Variants in IFT80 observed in about 807,000 individuals in gnomAD.
IFT80 encodes the protein intraflagellar transport 80.
A neutral mutation model predicts 107.9 loss-of-function variants in IFT80; 79 were observed. That is an observed-to-expected ratio of 0.73 (90% CI 0.61 to 0.88). The LOEUF (loss-of-function observed/expected upper bound fraction) is 0.88. Among genes scored for constraint, IFT80 ranks in the 40% least tolerant of loss-of-function variants. The pLI, the probability that IFT80 is intolerant of heterozygous loss-of-function variation, is 0.00. For synonymous variants in IFT80, 299 were observed against 300.9 expected (o/e 0.99, Z 0.07); for missense variants, 797 against 914.2 (o/e 0.87, Z 1.65).
chr3:160,387,085 A>C (rs1559974623), intron 1 of IFT80, among the ~76,000 whole-genome samples: 1 of 152,234 alleles, frequency 6.6e-6, no homozygotes, highest in Non-Finnish European at 1.5e-5. Context: ...CAATACCCCA[A>C]AAGAGAAATG....
At chr3:160,298,721 T>A (rs1716183441) in intron 12 of IFT80, among the ~76,000 whole-genome samples, 1 of 152,276 alleles carries the variant, frequency 6.6e-6, no homozygotes, top group African/African-American at 2.4e-5. Flanking sequence ...TGGAGGGTAC[T>A]TATACAAACC....
At chr3:160,332,541 C>T (rs1157094568) in intron 8 of IFT80, among the ~76,000 whole-genome samples, 2 of 152,152 alleles carry the variant, frequency 1.3e-5, no homozygotes, top group East Asian at 3.9e-4. Flanking sequence ...GGATATGGGG[C>T]CTTATCTATC....
At chr3:160,372,532 A>C (rs1559966579) in intron 5 of IFT80, among the ~76,000 whole-genome samples, 1 of 152,224 alleles carries the variant, frequency 6.6e-6, no homozygotes, top group Non-Finnish European at 1.5e-5. Flanking sequence ...GAAAGTATAG[A>C]TGGCACCAAT....
chr3:160,282,131 T>A (rs973842303), intron 14 of IFT80, among the ~76,000 whole-genome samples: 2 of 151,918 alleles, frequency 1.3e-5, no homozygotes, highest in African/African-American at 4.8e-5. Context: ...TACAAAAAAA[T>A]TTAGCTGGAT....
At chr3:160,283,509 T>G (rs542715252) in intron 13 of IFT80, among the ~76,000 whole-genome samples, 3 of 152,206 alleles carry the variant, frequency 2.0e-5, no homozygotes, top group Non-Finnish European at 4.4e-5. Context: ...CATAATACAT[T>G]TTAAAAAGTT....
At chr3:160,349,195 C>A (rs1245286966) in intron 8 of IFT80, among the ~76,000 whole-genome samples, 1 of 152,110 alleles carries the variant, frequency 6.6e-6, no homozygotes, top group Non-Finnish European at 1.5e-5. Flanking sequence ...ACCCTATAAT[C>A]CCAGCACTTT....
In IFT80 at chr3:160,366,811, T is replaced by C. The variant is rs1721901303; in HGVS notation, c.440-659A>G. Among the ~76,000 whole-genome samples the C allele has an allele frequency of 2.0e-5, 3 of 152,158 alleles. No individual in the cohort carries two copies. The South Asian group carries it at 6.2e-4, about 32-fold the overall frequency. Reference sequence around the variant, plus strand: ...TCCTCTCAAGCATTTTTCCTTTGTGTTATGAACAATCCAATTGTACTCTCA... The same window carrying C: ...TCCTCTCAAGCATTTTTCCTTTGTGCTATGAACAATCCAATTGTACTCTCA... On this transcript the variant is annotated intron_variant, in intron 5 of 19. Transcript: ENST00000326448.
intron 5 of IFT80, among the ~76,000 whole-genome samples, chr3:160,368,647 T>C (rs546379284): frequency 6.6e-6 from 1 of 151,936 alleles, no homozygotes; most frequent in East Asian, 1.9e-4. Flanking sequence ...TCCCCAAAAA[T>C]AGAAGTCAAA....
intron 8 of IFT80, among the ~76,000 whole-genome samples, chr3:160,324,310 G>C (rs913226263): frequency 2.6e-4 from 40 of 152,078 alleles, no homozygotes; most frequent in African/African-American, 9.4e-4. Flanking sequence ...ACCGAAGCCG[G>C]GTGGAGACAC....
At chr3:160,375,948 C>T in intron 4 of IFT80, 68 bp from the exon 5 acceptor site, 1 of 1,028,946 alleles carries the variant, frequency 9.7e-7, no homozygotes, top group Non-Finnish European at 1.5e-6. Flanking sequence ...ATTAAATTTG[C>T]ATATAAGAAT....
intron 8 of IFT80, among the ~76,000 whole-genome samples, chr3:160,351,541 TACACATATATTATATGTATATATATATAC>T (rs1336799646): frequency 6.8e-6 from 1 of 147,252 alleles, no homozygotes; most frequent in Non-Finnish European, 1.5e-5. Context: ...AATATATATA[TACACATATATTATATGTATATATATATAC>T]ACACATATAT....
intron 6 of IFT80, among the ~76,000 whole-genome samples, chr3:160,365,426 G>A (rs1404905677): frequency 1.3e-5 from 2 of 152,118 alleles, no homozygotes; most frequent in Non-Finnish European, 2.9e-5. Context: ...TATGCCTGCT[G>A]TAGCCTGTCA....
At chr3:160,267,308 C>T (rs922527601) in intron 19 of IFT80, among the ~76,000 whole-genome samples, 1 of 152,130 alleles carries the variant, frequency 6.6e-6, no homozygotes, top group Non-Finnish European at 1.5e-5. Context: ...CCTAAGTCTC[C>T]TCTAACCCAG....
chr3:160,329,890 A>G lies in IFT80; in HGVS notation c.778-9951T>C, dbSNP rs560538615. The stretch of plus-strand genomic sequence containing the variant: ...CATCCATGAACCTAAGATGGGAAGA[A>G]GAGACATACTTTTTCTCCCCTACAC... On this transcript the variant is annotated intron_variant, in intron 8 of 19. Transcript: ENST00000326448. Among the ~76,000 whole-genome samples the G allele has an allele frequency of 2.6e-5, 4 of 152,264 alleles. No individual in the cohort carries two copies. The South Asian group carries it at 8.3e-4, about 32-fold the overall frequency.
chr3:160,390,208 G>A (rs1229048390), intron 1 of IFT80, among the ~76,000 whole-genome samples: 6 of 151,936 alleles, frequency 3.9e-5, no homozygotes, highest in Admixed American at 1.3e-4. Flanking sequence ...AGCTGAGGTC[G>A]GGAGTTTGAG....
chr3:160,396,334 C>A (rs917011870), intron 1 of IFT80, among the ~76,000 whole-genome samples: 4 of 145,590 alleles, frequency 2.7e-5, no homozygotes, highest in African/African-American at 9.7e-5. Context: ...TTATACAATA[C>A]TTACATAAAT....
intron 15 of IFT80, among the ~76,000 whole-genome samples, chr3:160,279,723 T>C (rs1317057724): frequency 6.6e-6 from 1 of 152,206 alleles, no homozygotes; most frequent in Non-Finnish European, 1.5e-5. Flanking sequence ...CTTTAGCTTT[T>C]AAAAGTATTA....
chr3:160,317,649 T>C (rs937401676), intron 9 of IFT80, among the ~76,000 whole-genome samples: 3 of 152,038 alleles, frequency 2.0e-5, no homozygotes, highest in African/African-American at 7.2e-5. Context: ...TTAGAAGAAA[T>C]ATACATTAAA....
chr3:160,379,177 C>T (rs1460383246), intron 3 of IFT80, among the ~76,000 whole-genome samples: 4 of 152,100 alleles, frequency 2.6e-5, no homozygotes, highest in Non-Finnish European at 5.9e-5. Context: ...TAAATTGAAT[C>T]TAATCATGAG....
Sources: allele counts gnomAD v4.1 joint callset (sites outside exome capture counted in the v4.1 genomes callset), GRCh38; gene constraint gnomAD v4.1.1; transcripts MANE v1.5; gene names NCBI Gene and HGNC (gene_info 2026-07-23, HGNC 2026-07-21).